Variants in VOPP1 observed in about 807,000 individuals in gnomAD.
VOPP1 encodes the protein VOPP1 WW domain binding protein, also known as WW domain binding protein VOPP1.
A neutral mutation model predicts 23.5 loss-of-function variants in VOPP1; 8 were observed. The observed-to-expected ratio is 0.34, with a 90% CI of 0.20 to 0.61. VOPP1 has a LOEUF of 0.61. VOPP1 is among the 20% of genes least tolerant of loss of function. VOPP1 has a pLI of 0.78. For missense variants in VOPP1, 174 were observed against 238.1 expected (o/e 0.73, Z 1.77); for synonymous variants, 83 against 97.3 (o/e 0.85, Z 0.86).
intron 1 of VOPP1, among the ~76,000 whole-genome samples, chr7:55,542,344 G>A (rs777563274): frequency 4.6e-5 from 7 of 152,130 alleles, no homozygotes; most frequent in African/African-American, 4.8e-5. Flanking sequence ...CTGTGCTACC[G>A]AACACCACAT....
chr7:55,464,809 C>G (rs548442123), intron 4 of VOPP1, among the ~76,000 whole-genome samples: 1 of 152,256 alleles, frequency 6.6e-6, no homozygotes, highest in Middle Eastern at 3.4e-3. Flanking sequence ...CTGCAGGTGT[C>G]TTGATCTTGG....
Position 55,473,055 on chromosome 7 carries a change from A to G in VOPP1, c.329-10T>C. 1.3e-6 allele frequency: 2 copies of G among 1,596,020 alleles called. No individual in the cohort carries two copies. The highest frequency in any genetic ancestry group is 1.7e-6 in the Non-Finnish European group (2 of 1,172,902). ...CCCGGCTGCTGGGCTCCTGAAAGAC[A>G]GACAAACATAGGTGAGCACAGAAGG... is the stretch of plus-strand genomic sequence containing the variant. On this transcript the variant is annotated splice_polypyrimidine_tract_variant and intron_variant, in intron 4 of 4. Coordinates refer to ENST00000285279, the MANE Select transcript of VOPP1 (RefSeq NM_030796.5).
Position 55,473,010 on chromosome 7 carries a change from G to T in VOPP1, c.364C>A (p.Pro122Thr). Residue 122 changes from proline to threonine, a missense_variant, in exon 5 of 5, where the codon CCA becomes ACA. Transcript: ENST00000285279. ...QQPGPPYYTDPGGPGMNPVGN... is the reference protein window; with the variant it reads ...QQPGPPYYTDTGGPGMNPVGN... ...ACAGGGTTCATCCCCGGTCCTCCTGGGTCGGTGTAATAGGGCGGCCCCGGC... is the reference window on the plus strand; with the variant it reads ...ACAGGGTTCATCCCCGGTCCTCCTGTGTCGGTGTAATAGGGCGGCCCCGGC... The T allele has an allele frequency of 6.3e-7, 1 of 1,598,736 alleles. No homozygotes were observed.
At chr7:55,462,653 A>G (rs905159542) in intron 4 of VOPP1, among the ~76,000 whole-genome samples, 2 of 117,850 alleles carry the variant, frequency 1.7e-5, no homozygotes, top group Non-Finnish European at 3.5e-5. Flanking sequence ...ACTCTTGATT[A>G]TATTTTTTTT....
At chr7:55,502,368 C>T (rs1368394198) in intron 2 of VOPP1, among the ~76,000 whole-genome samples, 2 of 152,246 alleles carry the variant, frequency 1.3e-5, no homozygotes, top group Middle Eastern at 3.2e-3. Flanking sequence ...AGCAAATACA[C>T]GCTGTCAACT....
At chr7:55,489,218 G>A (rs913904537) in intron 4 of VOPP1, among the ~76,000 whole-genome samples, 5 of 152,224 alleles carry the variant, frequency 3.3e-5, no homozygotes, top group East Asian at 3.8e-4. Flanking sequence ...GTACACTACC[G>A]GGAGCCCTGG....
chr7:55,565,761 ACG>A lies in VOPP1; in HGVS notation c.54+6508_54+6509del, dbSNP rs1308143891. ...TGGCTGCAGGGGTGGAGGTGGGAGGACGCACTAGTATAAACTAGTATAATTTT... is the reference window on the plus strand; with the variant it reads ...TGGCTGCAGGGGTGGAGGTGGGAGGACACTAGTATAAACTAGTATAATTTT... On this transcript the variant is annotated intron_variant, in intron 1 of 4. Transcript: ENST00000285279. Among the ~76,000 whole-genome samples the A allele has an allele frequency of 1.8e-3, 20 of 11,294 alleles. No individual in the cohort carries two copies. In the East Asian group the frequency reaches 0.11, roughly 59 times the overall value. The allele number at this position is 11,294 out of a possible 152,430, so 7.4% of individuals were successfully genotyped here. A position where few individuals can be genotyped will look rare whatever the true frequency, so the allele number is the denominator to read the frequency against.
intron 4 of VOPP1, among the ~76,000 whole-genome samples, chr7:55,445,541 TTA>T (rs1453570967): frequency 2.0e-5 from 3 of 152,340 alleles, no homozygotes; most frequent in African/African-American, 4.8e-5. Context: ...AGTACATCTT[TTA>T]TGTTTCTTTC....
At chr7:55,510,193 A>C (rs1319448138) in intron 2 of VOPP1, among the ~76,000 whole-genome samples, 1 of 152,228 alleles carries the variant, frequency 6.6e-6, no homozygotes, top group Admixed American at 6.5e-5. Context: ...CTATATGTCT[A>C]CCTGTAAGTG....
At chr7:55,468,006 G>C (rs932180643), downstream of VOPP1, among the ~76,000 whole-genome samples, 1 of 152,232 alleles carries the variant, frequency 6.6e-6, no homozygotes, top group Admixed American at 6.5e-5. Context: ...GGGGGCAGTG[G>C]CTCACGCCTG....
chr7:55,489,046 C>T (rs896930702), intron 4 of VOPP1, among the ~76,000 whole-genome samples: 1 of 152,238 alleles, frequency 6.6e-6, no homozygotes, highest in African/African-American at 2.4e-5. Flanking sequence ...GTGAAGCCAC[C>T]CTCAGGGGAG....
At chr7:55,445,258 C>G (rs1397364104) in intron 4 of VOPP1, among the ~76,000 whole-genome samples, 9 of 107,398 alleles carry the variant, frequency 8.4e-5, no homozygotes, top group Non-Finnish European at 1.2e-4. Context: ...CACACACACA[C>G]ACACAGACAT....
chr7:55,473,775 G>A (rs1051384566), intron 4 of VOPP1, among the ~76,000 whole-genome samples: 1 of 152,212 alleles, frequency 6.6e-6, no homozygotes, highest in African/African-American at 2.4e-5. Flanking sequence ...AGACAAAACC[G>A]TGAAAGTGCT....
At chr7:55,463,814 C>A (rs1352784406) in intron 4 of VOPP1, among the ~76,000 whole-genome samples, 1 of 152,176 alleles carries the variant, frequency 6.6e-6, no homozygotes, top group Non-Finnish European at 1.5e-5. Context: ...GGCGGGCCTG[C>A]CCTCAGGCCC....
At chr7:55,460,335 C>T (rs1038327122) in intron 4 of VOPP1, among the ~76,000 whole-genome samples, 5 of 152,198 alleles carry the variant, frequency 3.3e-5, no homozygotes, top group African/African-American at 1.2e-4. Flanking sequence ...AATGTGTATT[C>T]TGCAGCTTTT....
At chr7:55,487,041 C>T (rs1793197364) in intron 4 of VOPP1, among the ~76,000 whole-genome samples, 1 of 152,234 alleles carries the variant, frequency 6.6e-6, no homozygotes, top group African/African-American at 2.4e-5. Context: ...AGCACCGTCA[C>T]GTTGGAAAAG....
chr7:55,515,766 A>G (rs1795363168), intron 2 of VOPP1, among the ~76,000 whole-genome samples: 1 of 152,126 alleles, frequency 6.6e-6, no homozygotes, highest in African/African-American at 2.4e-5. Context: ...GGAGGATTCA[A>G]TGCTCCCTGC....
intron 2 of VOPP1, among the ~76,000 whole-genome samples, chr7:55,502,099 C>T (rs1794409409): frequency 6.6e-6 from 1 of 152,232 alleles, no homozygotes; most frequent in Admixed American, 6.5e-5. Flanking sequence ...TTCAGCTTTA[C>T]ACTTGTAAGG....
intron 1 of VOPP1, among the ~76,000 whole-genome samples, chr7:55,563,530 G>A (rs980550028): frequency 4.6e-5 from 7 of 152,110 alleles, no homozygotes; most frequent in African/African-American, 1.7e-4. Flanking sequence ...AAGTGTTTTT[G>A]GATTTTGCAT....
Sources: allele counts gnomAD v4.1 joint callset (sites outside exome capture counted in the v4.1 genomes callset), GRCh38; gene constraint gnomAD v4.1.1; transcripts MANE v1.5; gene names NCBI Gene and HGNC (gene_info 2026-07-23, HGNC 2026-07-21).